DIAPH3: variants seen among roughly 807,000 people sequenced by gnomAD.
The protein encoded by DIAPH3 is diaphanous related formin 3.
Under a neutral mutation model 144.3 loss-of-function variants are expected in DIAPH3, and 117 were observed. That is an observed-to-expected ratio of 0.81 (90% CI 0.70 to 0.95). The LOEUF is 0.95. Among genes scored for constraint, DIAPH3 ranks in the 40% least tolerant of loss-of-function variants. DIAPH3 has a pLI of 0.00. For missense variants in DIAPH3, 1,421 were observed against 1,412.7 expected, an observed-to-expected ratio of 1.01 and a Z score of -0.09; for synonymous variants, 519 against 488.9, an observed-to-expected ratio of 1.06 and a Z score of -0.81.
chr13:60,109,419 T>TCCCC (rs2058506665), intron 3 of DIAPH3, among the ~76,000 whole-genome samples: 1 of 129,080 alleles, frequency 7.7e-6, no homozygotes, highest in Non-Finnish European at 1.7e-5. Context: ...ATTCCTTCCC[T>TCCCC]CCCCCGACCC....
intron 15 of DIAPH3, among the ~76,000 whole-genome samples, chr13:59,973,558 C>T (rs549323091): frequency 6.6e-6 from 1 of 152,120 alleles, no homozygotes; most frequent in South Asian, 2.1e-4. Context: ...AGATAGCTAT[C>T]TCTTAAGGTA....
At chr13:59,688,794 A>G (rs1400928711) in intron 27 of DIAPH3, among the ~76,000 whole-genome samples, 1 of 152,102 alleles carries the variant, frequency 6.6e-6, no homozygotes, top group Non-Finnish European at 1.5e-5. Flanking sequence ...TAAAGGAAAA[A>G]TCTATTAAAA....
At chr13:60,139,131 G>A (rs1470968603) in intron 1 of DIAPH3, among the ~76,000 whole-genome samples, 2 of 152,028 alleles carry the variant, frequency 1.3e-5, no homozygotes, top group African/African-American at 4.8e-5. Flanking sequence ...CATCTCCCTG[G>A]CAACTACACA....
At chr13:59,931,239 C>G (rs2048002743) in intron 17 of DIAPH3, among the ~76,000 whole-genome samples, 1 of 152,176 alleles carries the variant, frequency 6.6e-6, no homozygotes, top group South Asian at 2.1e-4. Flanking sequence ...AGTAATCACT[C>G]CTCACCATTG....
chr13:60,022,808 CTA>C (rs572693651), intron 5 of DIAPH3, among the ~76,000 whole-genome samples: 19 of 152,198 alleles, frequency 1.2e-4, no homozygotes, highest in Non-Finnish European at 2.4e-4. Context: ...AATTCACCCT[CTA>C]TTCCTACTTT....
At position 59,850,198 on chromosome 13, in the gene DIAPH3, C is replaced by A. The variant is rs550458008; in HGVS notation, c.2738-10750G>T. Among the ~76,000 whole-genome samples the A allele has an allele frequency of 3.3e-3, 499 of 152,116 alleles. 3 individuals carry two copies. The highest frequency in any genetic ancestry group is 0.011 in the African/African-American group (459 of 41,472). On this transcript the variant is annotated intron_variant, in intron 22 of 27. Coordinates refer to ENST00000400324, the MANE Select transcript of DIAPH3 (RefSeq NM_001042517.2). ...TCCTGAGACTTTGCTGAAGTTGCTT[C>A]TCAGCTTAAGGAGATTTTGGGCTGA...
At chr13:60,003,637 G>A (rs1028680722) in intron 9 of DIAPH3, among the ~76,000 whole-genome samples, 3 of 151,636 alleles carry the variant, frequency 2.0e-5, no homozygotes, top group Non-Finnish European at 2.9e-5. Context: ...GCAGTGGCGC[G>A]ATCTCGGCTC....
intron 1 of DIAPH3, among the ~76,000 whole-genome samples, chr13:60,151,047 T>G (rs912256138): frequency 1.4e-5 from 2 of 143,018 alleles, no homozygotes; most frequent in South Asian, 4.4e-4. Context: ...CCCACTGCAA[T>G]GAATGGCTGA....
intron 27 of DIAPH3, among the ~76,000 whole-genome samples, chr13:59,749,949 A>T (rs2036916059): frequency 6.6e-6 from 1 of 152,192 alleles, no homozygotes; most frequent in Admixed American, 6.5e-5. Flanking sequence ...AGGACAAGTG[A>T]TACAAACATT....
chr13:59,687,818 G>A (rs1332081351), intron 27 of DIAPH3, among the ~76,000 whole-genome samples: 1 of 151,992 alleles, frequency 6.6e-6, no homozygotes, highest in Non-Finnish European at 1.5e-5. Context: ...TTACCCACTG[G>A]GAATTGCTGA....
chr13:60,144,620 A>C (rs1429447794), intron 1 of DIAPH3: 1 of 152,244 alleles, frequency 6.6e-6, no homozygotes, highest in Non-Finnish European at 1.5e-5. Context: ...TTCAGATATG[A>C]AAATCAGGCT....
intron 21 of DIAPH3, among the ~76,000 whole-genome samples, chr13:59,868,961 C>A (rs1159073574): frequency 6.6e-6 from 1 of 152,150 alleles, no homozygotes; most frequent in African/African-American, 2.4e-5. Context: ...TATCCATTCA[C>A]CTATTGAAGG....
chr13:60,140,156 T>C (rs1030709334), intron 1 of DIAPH3, among the ~76,000 whole-genome samples: 5 of 152,212 alleles, frequency 3.3e-5, no homozygotes, highest in African/African-American at 9.6e-5. Flanking sequence ...CAAATTTAGA[T>C]TGGATGTTCC....
chr13:59,792,538 C>CA, intron 25 of DIAPH3, among the ~76,000 whole-genome samples: 1 of 152,320 alleles, frequency 6.6e-6, no homozygotes, highest in East Asian at 1.9e-4. Context: ...CTTCTACTTC[C>CA]CATCACCGAC....
intron 27 of DIAPH3, among the ~76,000 whole-genome samples, chr13:59,732,781 C>G (rs1793519224): frequency 6.6e-6 from 1 of 151,944 alleles, no homozygotes; most frequent in South Asian, 2.1e-4. Flanking sequence ...ATGAAAGGTA[C>G]CTCTCAAGTT....
At chr13:59,730,101 C>A (rs1232865620) in intron 27 of DIAPH3, among the ~76,000 whole-genome samples, 1 of 151,950 alleles carries the variant, frequency 6.6e-6, no homozygotes, top group East Asian at 1.9e-4. Context: ...AAACAGCGAG[C>A]CCTAAATTTT....
intron 4 of DIAPH3, among the ~76,000 whole-genome samples, chr13:60,065,253 T>TAAAAAA (rs11344639): frequency 1.1e-5 from 1 of 88,276 alleles, no homozygotes; most frequent in Non-Finnish European, 2.3e-5. Flanking sequence ...TTTAATTTAT[T>TAAAAAA]AAAAAAAAAA....
intron 25 of DIAPH3, among the ~76,000 whole-genome samples, chr13:59,779,189 T>G (rs1014010231): frequency 6.6e-6 from 1 of 152,296 alleles, no homozygotes; most frequent in African/African-American, 2.4e-5. Flanking sequence ...CTCACATGCA[T>G]AATGGGAAGA....
intron 4 of DIAPH3, among the ~76,000 whole-genome samples, chr13:60,070,746 T>C (rs1399265878): frequency 1.3e-5 from 2 of 152,200 alleles, no homozygotes; most frequent in Non-Finnish European, 2.9e-5. Flanking sequence ...AACTGAATTG[T>C]TGAGTTTGAT....
Sources: allele counts gnomAD v4.1 joint callset (sites outside exome capture counted in the v4.1 genomes callset), GRCh38; gene constraint gnomAD v4.1.1; transcripts MANE v1.5; gene names NCBI Gene and HGNC (gene_info 2026-07-23, HGNC 2026-07-21).